Variants in ELP3 observed in about 807,000 individuals in gnomAD.
The protein encoded by ELP3 is elongator complex protein 3.
Under a neutral mutation model 74.9 loss-of-function variants are expected in ELP3, and 56 were observed. That is an observed-to-expected ratio of 0.75 (90% confidence interval 0.60 to 0.93). The LOEUF (loss-of-function observed/expected upper bound fraction) is 0.93. Among genes scored for constraint, ELP3 ranks in the 40% least tolerant of loss-of-function variants. The pLI is 0.00. For synonymous variants in ELP3, 222 were observed against 239.8 expected (o/e 0.93, Z 0.68); for missense variants, 573 against 686.5 (o/e 0.83, Z 1.85).
intron 7 of ELP3, among the ~76,000 whole-genome samples, chr8:28,114,685 TG>T (rs1283585218): frequency 5.9e-5 from 9 of 152,046 alleles, no homozygotes; most frequent in African/African-American, 2.2e-4. Flanking sequence ...ACATAAGATG[TG>T]GAGGGGACAA....
Position 28,160,428 on chromosome 8 carries a change from G to A in ELP3, c.1457G>A (p.Ser486Asn), listed in dbSNP as rs1237613039. ...HVYGSVVPVS[S>N]RDPTKFQHQG... ...TATGGGAGTGTGGTCCCTGTGAGCA[G>A]CCGGGATCCTACTAAATTTCAGCAT... Residue 486 changes from serine (S) to asparagine (N), a missense_variant, in exon 13 of 15, where the codon AGC (serine) becomes AAC (asparagine). Physicochemically the swap from Ser to Asn is conservative, Grantham distance 46. Coordinates refer to ENST00000256398, the MANE Select transcript of ELP3 (RefSeq NM_018091.6). The A allele has an allele frequency of 2.5e-6, 4 of 1,613,976 alleles. No homozygotes were observed. The South Asian group carries it at 4.4e-5, about 18-fold the overall frequency.
intron 4 of ELP3, among the ~76,000 whole-genome samples, chr8:28,107,564 G>C (rs1261835078): frequency 1.3e-5 from 2 of 152,154 alleles, no homozygotes; most frequent in Admixed American, 1.3e-4. Flanking sequence ...AAGATAAAAG[G>C]GGGGAAAGAT....
intron 14 of ELP3, among the ~76,000 whole-genome samples, chr8:28,168,352 A>T (rs1419173630): frequency 6.6e-6 from 1 of 152,214 alleles, no homozygotes; most frequent in Non-Finnish European, 1.5e-5. Flanking sequence ...TGCTGTTGCT[A>T]ATCCCAGGTC....
chr8:28,129,664 G>T lies in ELP3; in HGVS notation c.779+1G>T. The T allele has an allele frequency of 6.2e-7, 1 of 1,613,920 alleles. No individual in the cohort carries two copies. The highest frequency in any genetic ancestry group is 1.1e-5 in the South Asian group (1 of 91,084). The stretch of plus-strand genomic sequence containing the variant: ...AAGATGTGGCTAGAGACACCAACAG[G>T]TAAGATGGTGGCAGGTGATCTTGCA... On this transcript the variant is annotated splice_donor_variant, in intron 8 of 14. Transcript: ENST00000256398. LOFTEE classifies it high-confidence loss of function.
chr8:28,127,982 G>A (rs761610578), intron 7 of ELP3, among the ~76,000 whole-genome samples: 2 of 152,170 alleles, frequency 1.3e-5, no homozygotes, highest in African/African-American at 2.4e-5. Flanking sequence ...AATTAAGAGT[G>A]AAAGAGTGAA....
intron 14 of ELP3, among the ~76,000 whole-genome samples, chr8:28,168,666 A>G (rs1452397348): frequency 6.6e-6 from 1 of 152,190 alleles, no homozygotes; most frequent in African/African-American, 2.4e-5. Flanking sequence ...AAGTGGCCCA[A>G]CCTATGCTAC....
chr8:28,160,605 T>C (rs1006100098), intron 13 of ELP3, 149 bp downstream of exon 13: 3 of 687,194 alleles, frequency 4.4e-6, no homozygotes, highest in Non-Finnish European at 7.3e-6. Flanking sequence ...GTTTTAGTTG[T>C]TCAGAGATGT....
chr8:28,139,450 A>G (rs1813135263), intron 10 of ELP3, among the ~76,000 whole-genome samples: 1 of 152,230 alleles, frequency 6.6e-6, no homozygotes, highest in African/African-American at 2.4e-5. Context: ...TGTAATGAAT[A>G]ACAACACAGG....
At chr8:28,154,469 A>G (rs934999420) in intron 10 of ELP3, among the ~76,000 whole-genome samples, 2 of 152,154 alleles carry the variant, frequency 1.3e-5, no homozygotes, top group African/African-American at 2.4e-5. Flanking sequence ...TAAGTTTTAT[A>G]TATTTCTTAT....
chr8:28,173,101 G>C (rs1452082044), intron 14 of ELP3, among the ~76,000 whole-genome samples: 1 of 151,902 alleles, frequency 6.6e-6, no homozygotes, highest in African/African-American at 2.4e-5. Context: ...TTTCTTTGTA[G>C]TGTCTTTATC....
Position 28,137,602 on chromosome 8 carries a change from C to G in ELP3, c.907-96C>G, listed in dbSNP as rs1813038251. The G allele has an allele frequency of 4.1e-6, 5 of 1,233,690 alleles. No homozygotes were observed. The South Asian group carries it at 6.5e-5, about 16-fold the overall frequency. 76.4% of individuals were successfully genotyped at this position (1,233,690 alleles called of 1,614,324 possible). A position where few individuals can be genotyped will look rare whatever the true frequency, so the allele number is the denominator to read the frequency against. On this transcript the variant is annotated intron_variant, in intron 9 of 14. Transcript: ENST00000256398. ...GAAGCAAAGGCTGCCCCAGGGCCTACTGGGTGTGCCAGAGAAGCTGTCAGG... is the reference window on the plus strand; with the variant it reads ...GAAGCAAAGGCTGCCCCAGGGCCTAGTGGGTGTGCCAGAGAAGCTGTCAGG...
intron 14 of ELP3, among the ~76,000 whole-genome samples, chr8:28,170,696 T>G (rs1285024940): frequency 6.6e-6 from 1 of 152,200 alleles, no homozygotes; most frequent in Non-Finnish European, 1.5e-5. Flanking sequence ...TTATGCATTG[T>G]AAGAAAATTT....
At chr8:28,100,648 T>C (rs1234201743) in intron 3 of ELP3, among the ~76,000 whole-genome samples, 1 of 152,228 alleles carries the variant, frequency 6.6e-6, no homozygotes, top group African/African-American at 2.4e-5. Context: ...AGCAGCTAGA[T>C]AATAGGAAAC....
intron 14 of ELP3, 28 bp downstream of exon 14, chr8:28,162,106 T>A: frequency 1.2e-6 from 2 of 1,610,154 alleles, no homozygotes; most frequent in Non-Finnish European, 1.7e-6. Context: ...AAGTTCATGA[T>A]TCCTTCCCAT....
At chr8:28,140,514 G>T (rs183833655) in intron 10 of ELP3, among the ~76,000 whole-genome samples, 3 of 151,968 alleles carry the variant, frequency 2.0e-5, no homozygotes, top group Non-Finnish European at 2.9e-5. Context: ...ACTAAAATTC[G>T]TTTGTGACTC....
At chr8:28,173,062 G>T (rs1189967515) in intron 14 of ELP3, among the ~76,000 whole-genome samples, 1 of 151,928 alleles carries the variant, frequency 6.6e-6, no homozygotes, top group Non-Finnish European at 1.5e-5. Context: ...TTTGGCGTCT[G>T]TATTCTTAAG....
chr8:28,157,950 T>C (rs1365294382), intron 11 of ELP3, among the ~76,000 whole-genome samples: 4 of 151,372 alleles, frequency 2.6e-5, no homozygotes, highest in African/African-American at 9.7e-5. Flanking sequence ...ATGTAATACA[T>C]AGCTCTAGGT....
chr8:28,115,693 G>A (rs529987487), intron 7 of ELP3, among the ~76,000 whole-genome samples: 3 of 152,302 alleles, frequency 2.0e-5, no homozygotes, highest in East Asian at 3.9e-4. Flanking sequence ...GTGGTTGGTG[G>A]TAGAATGGGA....
intron 14 of ELP3, among the ~76,000 whole-genome samples, chr8:28,178,098 A>G (rs1017342920): frequency 1.3e-5 from 2 of 152,218 alleles, no homozygotes; most frequent in African/African-American, 4.8e-5. Context: ...AGTTTATAAA[A>G]TGTTAAATAA....
Sources: allele counts gnomAD v4.1 joint callset (sites outside exome capture counted in the v4.1 genomes callset), GRCh38; gene constraint gnomAD v4.1.1; transcripts MANE v1.5; gene names NCBI Gene and HGNC (gene_info 2026-07-23, HGNC 2026-07-21).